Variants in WWOX observed in about 807,000 individuals in gnomAD.
The protein encoded by WWOX is WW domain containing oxidoreductase.
WWOX carries 69 observed loss-of-function variants against 46.2 expected under a neutral mutation model. The ratio of observed to expected loss-of-function variants is 1.49; its 90% CI spans 1.23 to 1.82. The LOEUF is 1.82. WWOX is among the 40% of genes most tolerant of loss of function. The probability of loss-of-function intolerance (pLI) is 0.00; values close to 1 mark genes in which losing one functional copy is unlikely to be tolerated. For missense variants in WWOX, 919 were observed against 542.6 expected, an observed-to-expected ratio of 1.69 and a Z score of -6.89; for synonymous variants, 359 against 202.6, an observed-to-expected ratio of 1.77 and a Z score of -6.56.
chr16:78,802,317 G>C (rs1026161206), intron 8 of WWOX, among the ~76,000 whole-genome samples: 16 of 148,874 alleles, frequency 1.1e-4, no homozygotes, highest in African/African-American at 3.5e-4. Context: ...CAATGCTATA[G>C]GACACAGAAA....
chr16:78,928,966 T>G (rs1477086313), intron 8 of WWOX, among the ~76,000 whole-genome samples: 2 of 152,216 alleles, frequency 1.3e-5, no homozygotes, highest in Non-Finnish European at 2.9e-5. Flanking sequence ...AAACTTTACA[T>G]GTATGCATGC....
chr16:78,893,149 G>C lies in WWOX; in HGVS notation c.1057-318459G>C, dbSNP rs140439449. On this transcript the variant is annotated intron_variant, in intron 8 of 8. Transcript: ENST00000566780. ...GAAAAGGAGGCTCTCCAGGCTGACA[G>C]GGTCACAAAGACACACGACTATGAG... Among the ~76,000 whole-genome samples the C allele has an allele frequency of 1.6e-3, 247 of 151,960 alleles. 2 individuals are homozygous for C. The highest frequency in any genetic ancestry group is 5.5e-3 in the African/African-American group (229 of 41,450).
chr16:79,172,934 T>C (rs1461425387), intron 8 of WWOX, among the ~76,000 whole-genome samples: 1 of 151,732 alleles, frequency 6.6e-6, no homozygotes, highest in Non-Finnish European at 1.5e-5. Context: ...GGCAGGAAGA[T>C]TGCTTGAGCC....
chr16:78,176,771 C>T (rs1357147983), intron 5 of WWOX, among the ~76,000 whole-genome samples: 1 of 152,042 alleles, frequency 6.6e-6, no homozygotes, highest in African/African-American at 2.4e-5. Context: ...TTACAGGATG[C>T]TTAAAATCTA....
At chr16:78,393,927 C>T (rs2082232092) in intron 6 of WWOX, among the ~76,000 whole-genome samples, 2 of 151,914 alleles carry the variant, frequency 1.3e-5, no homozygotes, top group Non-Finnish European at 2.9e-5. Context: ...AAATCTTTAA[C>T]AAGTTTATTT....
chr16:78,655,771 C>A (rs529009749), intron 8 of WWOX, among the ~76,000 whole-genome samples: 1 of 152,136 alleles, frequency 6.6e-6, no homozygotes, highest in South Asian at 2.1e-4. Context: ...ACAATTATCA[C>A]CAAATGAAAG....
intron 8 of WWOX, among the ~76,000 whole-genome samples, chr16:78,705,100 T>C (rs918169724): frequency 6.6e-6 from 1 of 152,128 alleles, no homozygotes; most frequent in South Asian, 2.1e-4. Flanking sequence ...TATTCCTTTT[T>C]AGTGCCGCAG....
intron 5 of WWOX, among the ~76,000 whole-genome samples, chr16:78,165,840 A>C (rs895416522): frequency 6.6e-6 from 1 of 152,228 alleles, no homozygotes; most frequent in African/African-American, 2.4e-5. Flanking sequence ...ATGAGCCCTT[A>C]TCTTGAGCTC....
chr16:78,670,305 G>A (rs1055167642), intron 8 of WWOX, among the ~76,000 whole-genome samples: 1 of 152,044 alleles, frequency 6.6e-6, no homozygotes, highest in Non-Finnish European at 1.5e-5. Flanking sequence ...TGTCTTTTCC[G>A]ACCCTCCCGT....
At chr16:78,215,648 T>C (rs558416867) in intron 5 of WWOX, among the ~76,000 whole-genome samples, 29 of 152,108 alleles carry the variant, frequency 1.9e-4, no homozygotes, top group African/African-American at 7.0e-4. Flanking sequence ...CTAATACAGG[T>C]TGGGCACGGT....
chr16:79,006,760 C>T (rs2047198894), intron 8 of WWOX, among the ~76,000 whole-genome samples: 1 of 152,070 alleles, frequency 6.6e-6, no homozygotes, highest in Non-Finnish European at 1.5e-5. Context: ...TAGAGGTTGC[C>T]CATCTTCATG....
intron 8 of WWOX, among the ~76,000 whole-genome samples, chr16:79,014,862 C>T (rs1157327849): frequency 1.3e-5 from 2 of 152,184 alleles, no homozygotes; most frequent in Non-Finnish European, 2.9e-5. Flanking sequence ...CTTTTACAAG[C>T]ACTTAGTGAG....
chr16:78,177,607 G>A (rs890006529), intron 5 of WWOX, among the ~76,000 whole-genome samples: 2 of 152,130 alleles, frequency 1.3e-5, no homozygotes, highest in Non-Finnish European at 2.9e-5. Flanking sequence ...GTGTGGTGTC[G>A]GGGAGAGGGC....
At chr16:78,348,953 T>A (rs534766829) in intron 5 of WWOX, among the ~76,000 whole-genome samples, 1 of 120,950 alleles carries the variant, frequency 8.3e-6, no homozygotes, top group East Asian at 1.9e-4. Context: ...AGAGGAAGTC[T>A]GAACGAGGGC....
At chr16:78,912,498 G>C (rs2045137843) in intron 8 of WWOX, among the ~76,000 whole-genome samples, 1 of 151,880 alleles carries the variant, frequency 6.6e-6, no homozygotes, top group Non-Finnish European at 1.5e-5. Context: ...CAATTGCATT[G>C]CTGGTGATCA....
intron 8 of WWOX, among the ~76,000 whole-genome samples, chr16:78,684,401 A>C (rs1482130009): frequency 6.6e-6 from 1 of 152,166 alleles, no homozygotes; most frequent in Non-Finnish European, 1.5e-5. Context: ...GGTAGGGATG[A>C]CTGGTTTTGC....
At chr16:78,919,638 C>T (rs563832434) in intron 8 of WWOX, among the ~76,000 whole-genome samples, 1 of 151,740 alleles carries the variant, frequency 6.6e-6, no homozygotes, top group Non-Finnish European at 1.5e-5. Flanking sequence ...CTGCCTCATG[C>T]TCCCGAATAG....
intron 8 of WWOX, among the ~76,000 whole-genome samples, chr16:79,086,825 G>A (rs1054771339): frequency 6.6e-6 from 1 of 152,238 alleles, no homozygotes; most frequent in Non-Finnish European, 1.5e-5. Context: ...GAAGGATGCA[G>A]TGAACTGTGA....
At chr16:78,120,800 C>A (rs1482742512) in intron 4 of WWOX, among the ~76,000 whole-genome samples, 1 of 152,100 alleles carries the variant, frequency 6.6e-6, no homozygotes, top group African/African-American at 2.4e-5. Flanking sequence ...ACCAGTTCTA[C>A]GTGAATAGAA....
Sources: gnomAD v4.1 joint callset for allele counts (sites outside exome capture counted in the v4.1 genomes callset) on GRCh38, gnomAD v4.1.1 for gene constraint, MANE v1.5 for transcripts, NCBI Gene and HGNC (gene_info 2026-07-23, HGNC 2026-07-21) for gene names.